WDR44: variants seen among roughly 807,000 people sequenced by gnomAD.
WDR44 encodes the protein WD repeat-containing protein 44.
In WDR44, 9 loss-of-function variants were observed where a neutral mutation model predicts 65.7. The ratio of observed to expected loss-of-function variants is 0.14; its 90% confidence interval spans 0.08 to 0.24. WDR44 has a LOEUF of 0.24. Among genes scored for constraint, WDR44 ranks in the 10% least tolerant of loss-of-function variants. The pLI, the probability that WDR44 is intolerant of heterozygous loss-of-function variation, is 1.00. For missense variants in WDR44, 425 were observed against 670.9 expected (o/e 0.63, Z 4.05); for synonymous variants, 220 against 235.2 (o/e 0.94, Z 0.59).
chrX:118,415,485 A>T (rs1448786254), intron 12 of WDR44, among the ~76,000 whole-genome samples: 2 of 111,672 alleles, frequency 1.8e-5, no homozygotes, highest in East Asian at 5.6e-4. Context: ...GTCTGGTAGA[A>T]TTCTGCTGTG....
intron 2 of WDR44, among the ~76,000 whole-genome samples, chrX:118,386,845 C>T (rs2056772132): frequency 9.0e-6 from 1 of 111,124 alleles, no homozygotes; most frequent in African/African-American, 3.3e-5. Context: ...TACATTGTCC[C>T]ATTTGGCATA....
intron 12 of WDR44, among the ~76,000 whole-genome samples, chrX:118,416,097 AG>A (rs1395153333): frequency 8.9e-6 from 1 of 111,987 alleles, no homozygotes; most frequent in Non-Finnish European, 1.9e-5. Flanking sequence ...TCTTGCTAAC[AG>A]TCTATCAATT....
intron 1 of WDR44, among the ~76,000 whole-genome samples, chrX:118,367,404 C>T (rs2056564212): frequency 9.0e-6 from 1 of 111,192 alleles, no homozygotes. Context: ...AGATTGATGT[C>T]ATGTTGTCCT....
At chrX:118,409,672 A>G in intron 11 of WDR44, 45 bp downstream of exon 11, 1 of 1,118,028 alleles carries the variant, frequency 8.9e-7, no homozygotes, top group Non-Finnish European at 1.2e-6. Flanking sequence ...TGAAGTTTTT[A>G]CATTTTAGGT....
At chrX:118,422,433 G>A (rs2057113051) in intron 12 of WDR44, among the ~76,000 whole-genome samples, 1 of 110,134 alleles carries the variant, frequency 9.1e-6, no homozygotes, top group Non-Finnish European at 1.9e-5. Context: ...GCTCATGCCT[G>A]TAATCCTAGC....
chrX:118,393,957 A>G, intron 4 of WDR44, 98 bp from the exon 5 acceptor site: 1 of 741,352 alleles, frequency 1.3e-6, no homozygotes, highest in Non-Finnish European at 2.0e-6. Flanking sequence ...GTTTCCCTGT[A>G]TAGGAAATGA....
chrX:118,437,056 TATAA>T (rs2057260472), intron 14 of WDR44, among the ~76,000 whole-genome samples: 1 of 111,749 alleles, frequency 8.9e-6, no homozygotes, highest in African/African-American at 3.3e-5. Flanking sequence ...ACATGCAAGG[TATAA>T]ATAAATGAAA....
chrX:118,362,604 G>C (rs1441145603), intron 1 of WDR44, among the ~76,000 whole-genome samples: 1 of 110,850 alleles, frequency 9.0e-6, no homozygotes, highest in Non-Finnish European at 1.9e-5. Context: ...TGCATGCACT[G>C]TCTGGAAGAG....
intron 12 of WDR44, among the ~76,000 whole-genome samples, chrX:118,421,288 C>T (rs930607024): frequency 1.8e-5 from 2 of 111,996 alleles, no homozygotes; most frequent in African/African-American, 3.2e-5. Flanking sequence ...CTTATAGATC[C>T]TCAGCTACAT....
At chrX:118,445,778 C>G (rs1274682168) in intron 19 of WDR44, among the ~76,000 whole-genome samples, 1 of 111,745 alleles carries the variant, frequency 8.9e-6, no homozygotes, top group Admixed American at 9.5e-5. Context: ...GCCTGTAATC[C>G]CAGCACTTTG....
At chrX:118,366,868 C>T (rs960458672) in intron 1 of WDR44, among the ~76,000 whole-genome samples, 1 of 111,658 alleles carries the variant, frequency 9.0e-6, no homozygotes, top group Non-Finnish European at 1.9e-5. Flanking sequence ...GAGACCGAGG[C>T]GGGCAGATGA....
At chrX:118,402,237 C>T (rs367971973) in intron 8 of WDR44, among the ~76,000 whole-genome samples, 4 of 106,901 alleles carry the variant, frequency 3.7e-5, no homozygotes, top group Non-Finnish European at 5.8e-5. Context: ...AGTTCACGAC[C>T]AGCCCGGCCA....
intron 14 of WDR44, 151 bp from the exon 15 acceptor site, chrX:118,441,217 C>G: frequency 4.2e-6 from 2 of 471,539 alleles, no homozygotes; most frequent in East Asian, 3.7e-5. Flanking sequence ...TTGGCCTCCC[C>G]CAAAGTGCTA....
intron 1 of WDR44, among the ~76,000 whole-genome samples, chrX:118,374,130 T>G (rs1233769073): frequency 9.7e-6 from 1 of 103,497 alleles, no homozygotes; most frequent in Non-Finnish European, 2.0e-5. Context: ...GTTGTTCCCC[T>G]CCCTGTGCCC....
intron 1 of WDR44, among the ~76,000 whole-genome samples, chrX:118,374,575 C>T (rs2056641075): frequency 9.0e-6 from 1 of 111,307 alleles, no homozygotes; most frequent in Non-Finnish European, 1.9e-5. Flanking sequence ...GTGATGTCAC[C>T]CAGTTGCAAG....
At chrX:118,411,778 T>C (rs1284925957) in intron 12 of WDR44, among the ~76,000 whole-genome samples, 1 of 112,438 alleles carries the variant, frequency 8.9e-6, no homozygotes, top group Admixed American at 9.5e-5. Context: ...TCAGTAACTT[T>C]ATGATTTTTA....
chrX:118,435,167 C>T (rs951541240), intron 13 of WDR44, among the ~76,000 whole-genome samples: 2 of 112,682 alleles, frequency 1.8e-5, no homozygotes, highest in Non-Finnish European at 1.9e-5. Flanking sequence ...AACATGTCTT[C>T]AGCACCTTCA....
rs1374129984 is a variant in WDR44, at chrX:118,398,488, CCTTTT to C, written c.1274+22_1274+26del. 1.8e-6 allele frequency: 2 copies of C among 1,141,992 alleles called. No individual in the cohort carries two copies. The highest frequency in any genetic ancestry group is 2.4e-6 in the Non-Finnish European group (2 of 840,281). 94.1% of individuals were successfully genotyped at this position (1,141,992 alleles called of 1,213,427 possible). A position where few individuals can be genotyped will look rare whatever the true frequency, so the allele number is the denominator to read the frequency against. On this transcript the variant is annotated intron_variant, in intron 8 of 19. Coordinates refer to ENST00000254029, the MANE Select transcript of WDR44 (RefSeq NM_019045.5). ...CAGAAAACGTGAGTTACAGTACATC[CCTTTT>C]CTTCATTTCAAGTTTTTATTTAAAA...
intron 14 of WDR44, among the ~76,000 whole-genome samples, chrX:118,438,030 T>TAAAA (rs775585860): frequency 4.6e-5 from 4 of 86,892 alleles, no homozygotes; most frequent in Non-Finnish European, 9.3e-5. Context: ...TGTCTCAAAA[T>TAAAA]AAAAAAAAAA....
Sources: gnomAD v4.1 joint callset for allele counts (sites outside exome capture counted in the v4.1 genomes callset) on GRCh38, gnomAD v4.1.1 for gene constraint, MANE v1.5 for transcripts, NCBI Gene and HGNC (gene_info 2026-07-23, HGNC 2026-07-21) for gene names.